Variants in SLC24A3 observed in about 807,000 individuals in gnomAD.
SLC24A3 encodes the protein solute carrier family 24 member 3, also known as sodium/potassium/calcium exchanger 3.
A neutral mutation model predicts 75.8 loss-of-function variants in SLC24A3; 28 were observed. The observed-to-expected ratio is 0.37, with a 90% CI of 0.27 to 0.51. The LOEUF is 0.51. SLC24A3 is among the 20% of genes least tolerant of loss of function. SLC24A3 has a pLI of 0.94. For synonymous variants in SLC24A3, 372 were observed against 334.1 expected (o/e 1.11, Z -1.24); for missense variants, 663 against 847.8 (o/e 0.78, Z 2.71).
chr20:19,406,242 G>C (rs912687800), intron 2 of SLC24A3, among the ~76,000 whole-genome samples: 2 of 151,542 alleles, frequency 1.3e-5, no homozygotes, highest in African/African-American at 2.4e-5. Flanking sequence ...GAGAGAGAAA[G>C]CATATCTAAA....
intron 6 of SLC24A3, among the ~76,000 whole-genome samples, chr20:19,587,642 A>G (rs191722622): frequency 1.3e-5 from 2 of 152,308 alleles, no homozygotes; most frequent in South Asian, 2.1e-4. Flanking sequence ...AAGCAAAATT[A>G]TGTTTTGGGA....
chr20:19,684,987 C>G (rs2032656884), intron 11 of SLC24A3, 113 bp from the exon 12 acceptor site: 1 of 1,361,762 alleles, frequency 7.3e-7, no homozygotes, highest in Non-Finnish European at 9.9e-7. Flanking sequence ...ACTCCAGGGT[C>G]TTCTGGAAGC....
At chr20:19,625,157 C>T (rs1400098530) in intron 6 of SLC24A3, among the ~76,000 whole-genome samples, 1 of 152,074 alleles carries the variant, frequency 6.6e-6, no homozygotes, top group Admixed American at 6.6e-5. Flanking sequence ...CTATTGCATC[C>T]TATGAATTAA....
intron 2 of SLC24A3, among the ~76,000 whole-genome samples, chr20:19,502,453 G>A (rs1019196167): frequency 2.6e-5 from 4 of 152,232 alleles, no homozygotes; most frequent in African/African-American, 7.2e-5. Context: ...TAAAGTTAAA[G>A]GGGCTTGATA....
intron 2 of SLC24A3, among the ~76,000 whole-genome samples, chr20:19,347,717 T>C (rs889306391): frequency 5.9e-5 from 9 of 152,212 alleles, no homozygotes; most frequent in Non-Finnish European, 1.2e-4. Context: ...TGGAAAATAC[T>C]GTGTTTGAGG....
chr20:19,606,189 ACCTG>A (rs954112618), intron 6 of SLC24A3, among the ~76,000 whole-genome samples: 4 of 152,156 alleles, frequency 2.6e-5, no homozygotes, highest in African/African-American at 9.7e-5. Flanking sequence ...GGTGAGGCAG[ACCTG>A]CCTGCCTGCC....
chr20:19,433,097 C>T (rs1294551491), intron 2 of SLC24A3, among the ~76,000 whole-genome samples: 1 of 152,162 alleles, frequency 6.6e-6, no homozygotes, highest in Admixed American at 6.5e-5. Flanking sequence ...AGCTCTCTCT[C>T]TAGGAAGTTC....
At position 19,262,328 on chromosome 20, in the gene SLC24A3, C is replaced by T. The variant is rs536992503; in HGVS notation, c.143-18631C>T. 2.7e-3 allele frequency among the ~76,000 whole-genome samples: 402 copies of T among 150,188 alleles called. 19 individuals carry two copies. Among genetic ancestry groups the T allele is most frequent in the Admixed American group, 0.026 (390 of 15,036 alleles). On this transcript the variant is annotated intron_variant, in intron 1 of 16. Coordinates refer to ENST00000328041, the MANE Select transcript of SLC24A3 (RefSeq NM_020689.4). ...GCTGAGGCAGGAGAATGGCGTGAACCCGGGAGGCGGAGCTTGCAGTGAGCC... is the reference window on the plus strand; with the variant it reads ...GCTGAGGCAGGAGAATGGCGTGAACTCGGGAGGCGGAGCTTGCAGTGAGCC...
At chr20:19,404,044 A>G (rs1450941787) in intron 2 of SLC24A3, among the ~76,000 whole-genome samples, 1 of 152,206 alleles carries the variant, frequency 6.6e-6, no homozygotes, top group Non-Finnish European at 1.5e-5. Context: ...GATAAGAGCA[A>G]GGGGAAATCA....
intron 2 of SLC24A3, among the ~76,000 whole-genome samples, chr20:19,388,582 G>T (rs1986312577): frequency 6.6e-6 from 1 of 152,156 alleles, no homozygotes; most frequent in Non-Finnish European, 1.5e-5. Flanking sequence ...GTGGTGGTGG[G>T]TGCCTGTAGT....
At chr20:19,263,464 C>G (rs1418740874) in intron 1 of SLC24A3, among the ~76,000 whole-genome samples, 1 of 152,200 alleles carries the variant, frequency 6.6e-6, no homozygotes, top group Non-Finnish European at 1.5e-5. Flanking sequence ...AGGCAAATGC[C>G]TAATCAATTA....
At chr20:19,568,731 A>ATTAT (rs2031001796) in intron 3 of SLC24A3, among the ~76,000 whole-genome samples, 1 of 152,236 alleles carries the variant, frequency 6.6e-6, no homozygotes, top group Admixed American at 6.5e-5. Flanking sequence ...AGATTTTAAA[A>ATTAT]TTATTAAAAT....
At chr20:19,502,136 G>T (rs1019237642) in intron 2 of SLC24A3, among the ~76,000 whole-genome samples, 1 of 152,126 alleles carries the variant, frequency 6.6e-6, no homozygotes, top group Non-Finnish European at 1.5e-5. Flanking sequence ...CCTCCCCAAG[G>T]TGTGTAGCAT....
At position 19,423,510 on chromosome 20, in the gene SLC24A3, C is replaced by T. The variant is rs192334672; in HGVS notation, c.272-91978C>T. Among the ~76,000 whole-genome samples the T allele has an allele frequency of 2.7e-3, 418 of 152,266 alleles. 3 individuals are homozygous for T. The highest frequency in any genetic ancestry group is 1.7e-3 in the Non-Finnish European group (115 of 68,018). ...CCCCCGGGAGGTGTTTTTAATGGGG[C>T]TAAGCAGCAGGAGGGTTTGCAGAAT... On this transcript the variant is annotated intron_variant, in intron 2 of 16. Coordinates refer to ENST00000328041, the MANE Select transcript of SLC24A3 (RefSeq NM_020689.4).
At chr20:19,614,351 T>G (rs1245260245) in intron 6 of SLC24A3, among the ~76,000 whole-genome samples, 1 of 152,220 alleles carries the variant, frequency 6.6e-6, no homozygotes, top group Admixed American at 6.5e-5. Flanking sequence ...ATATAGAAAG[T>G]ACTCAGTAAA....
chr20:19,508,559 A>T (rs1381278301), intron 2 of SLC24A3, among the ~76,000 whole-genome samples: 1 of 151,938 alleles, frequency 6.6e-6, no homozygotes. Flanking sequence ...GTTTAGACTC[A>T]TCAAACTCGG....
intron 9 of SLC24A3, among the ~76,000 whole-genome samples, chr20:19,678,156 C>T (rs1354828096): frequency 1.3e-5 from 2 of 151,020 alleles, no homozygotes; most frequent in African/African-American, 4.9e-5. Context: ...TTTTCCCCAC[C>T]TTTCCCCCCT....
chr20:19,589,976 T>C (rs2031351128), intron 6 of SLC24A3, among the ~76,000 whole-genome samples: 1 of 152,142 alleles, frequency 6.6e-6, no homozygotes, highest in African/African-American at 2.4e-5. Flanking sequence ...CCAGATGTTA[T>C]CATTGCATTC....
intron 8 of SLC24A3, among the ~76,000 whole-genome samples, chr20:19,670,080 G>A (rs1040867403): frequency 3.3e-5 from 5 of 152,086 alleles, no homozygotes; most frequent in African/African-American, 9.7e-5. Context: ...CCTCCTCTAC[G>A]CCAGGGAAAC....
Sources: gnomAD v4.1 joint callset for allele counts (sites outside exome capture counted in the v4.1 genomes callset) on GRCh38, gnomAD v4.1.1 for gene constraint, MANE v1.5 for transcripts, NCBI Gene and HGNC (gene_info 2026-07-23, HGNC 2026-07-21) for gene names.